The following HSP90AA1 variants were observed in gnomAD, a reference collection of about 807,000 sequenced individuals.
HSP90AA1 encodes heat shock protein 90 alpha family class A member 1.
In HSP90AA1, 18 loss-of-function variants were observed where a neutral mutation model predicts 73.3. That is an observed-to-expected ratio of 0.25 (90% CI 0.17 to 0.36). HSP90AA1 has a LOEUF of 0.36. HSP90AA1 is among the 10% of genes least tolerant of loss of function. HSP90AA1 has a pLI of 1.00. For missense variants in HSP90AA1, 704 were observed against 874.2 expected (o/e 0.81, Z 2.45); for synonymous variants, 477 against 296.9 (o/e 1.61, Z -6.24).
chr14:102,085,527 G>C, intron 3 of HSP90AA1, 96 bp from the exon 4 acceptor site: 1 of 1,341,568 alleles, frequency 7.5e-7, no homozygotes, highest in East Asian at 2.3e-5. Flanking sequence ...AGCAAGGTTT[G>C]CCGTTACTAC....
intron 5 of HSP90AA1, 29 bp from the exon 6 acceptor site, chr14:102,084,593 A>C (rs1004622877): frequency 6.2e-7 from 1 of 1,614,112 alleles, no homozygotes; most frequent in African/African-American, 1.3e-5. Context: ...ACTAAGTACC[A>C]ATGAACAATG....
intron 9 of HSP90AA1, 70 bp from the exon 10 acceptor site, chr14:102,082,514 C>G: frequency 8.3e-7 from 1 of 1,210,700 alleles, no homozygotes; most frequent in Non-Finnish European, 1.2e-6. Flanking sequence ...GAAATGAAAT[C>G]TGTAGAACCC....
chr14:102,139,378 G>C, exon 1 of HSP90AA1: 1 of 1,588,648 alleles, frequency 6.3e-7, no homozygotes, highest in South Asian at 1.1e-5. Flanking sequence ...GAGGGGTGGA[G>C]CCGTCCCCGC....
intron 1 of HSP90AA1, among the ~76,000 whole-genome samples, chr14:102,122,710 C>A (rs2049793530): frequency 6.6e-6 from 1 of 151,756 alleles, no homozygotes; most frequent in African/African-American, 2.4e-5. Flanking sequence ...CTCTGTTGCC[C>A]AGGCTGGAGC....
chr14:102,091,697 G>C (rs184234228), upstream of HSP90AA1, among the ~76,000 whole-genome samples: 54 of 151,536 alleles, frequency 3.6e-4, no homozygotes, highest in Admixed American at 6.6e-4. Flanking sequence ...CACAAACATG[G>C]TTCACTACAC....
At chr14:102,132,644 A>G (rs1044410281) in intron 1 of HSP90AA1, among the ~76,000 whole-genome samples, 4 of 152,112 alleles carry the variant, frequency 2.6e-5, no homozygotes, top group Non-Finnish European at 5.9e-5. Flanking sequence ...AAAAGGTAGC[A>G]TATATGTAAA....
At chr14:102,120,291 T>TGAG (rs1240180216) in intron 1 of HSP90AA1, among the ~76,000 whole-genome samples, 1 of 151,970 alleles carries the variant, frequency 6.6e-6, no homozygotes, top group African/African-American at 2.4e-5. Flanking sequence ...CTTGGGAGGA[T>TGAG]GAGGGTACAG....
intron 1 of HSP90AA1, among the ~76,000 whole-genome samples, chr14:102,138,194 T>C (rs2050071745): frequency 7.3e-6 from 1 of 137,290 alleles, no homozygotes. Flanking sequence ...AAATTTTGTT[T>C]TAACTTTTGC....
At chr14:102,121,026 C>CACACACACACACAT in intron 1 of HSP90AA1, among the ~76,000 whole-genome samples, 1 of 143,996 alleles carries the variant, frequency 6.9e-6, no homozygotes, top group South Asian at 2.3e-4. Flanking sequence ...CACACATACA[C>CACACACACACACAT]ACACACACAC....
upstream of HSP90AA1, among the ~76,000 whole-genome samples, chr14:102,087,758 C>T (rs953457270): frequency 1.3e-5 from 2 of 152,128 alleles, no homozygotes; most frequent in African/African-American, 4.8e-5. Flanking sequence ...TCCCCGAAAG[C>T]CATGTGCTTC....
chr14:102,122,690 CAG>C (rs2152624530), intron 1 of HSP90AA1, among the ~76,000 whole-genome samples: 1 of 151,788 alleles, frequency 6.6e-6, no homozygotes, highest in Non-Finnish European at 1.5e-5. Context: ...TTTTTTGAGA[CAG>C]AGTCTCACTC....
At chr14:102,082,862 C>T (rs909866122) in intron 9 of HSP90AA1, 172 bp downstream of exon 9, 12 of 694,216 alleles carry the variant, frequency 1.7e-5, no homozygotes, top group Non-Finnish European at 2.8e-5. Flanking sequence ...CCTTGTGATC[C>T]GCTGCCTCAG....
chr14:102,125,886 C>G (rs2049833481), intron 1 of HSP90AA1, among the ~76,000 whole-genome samples: 1 of 152,096 alleles, frequency 6.6e-6, no homozygotes, highest in Non-Finnish European at 1.5e-5. Flanking sequence ...AATCTACACA[C>G]GACATGCCAA....
At chr14:102,108,366 G>A (rs1354158486) in intron 1 of HSP90AA1, among the ~76,000 whole-genome samples, 1 of 150,788 alleles carries the variant, frequency 6.6e-6, no homozygotes, top group East Asian at 1.9e-4. Context: ...TAGGACTACA[G>A]CCTTGTGCCA....
intron 1 of HSP90AA1, 38 bp from the exon 2 acceptor site, chr14:102,086,416 C>A: frequency 6.2e-7 from 1 of 1,612,708 alleles, no homozygotes; most frequent in Non-Finnish European, 8.5e-7. Flanking sequence ...CCTTGCAGGA[C>A]GTCTACAGAG....
Position 102,080,902 on chromosome 14 carries a change from C to T in HSP90AA1, c.*810G>A, listed in dbSNP as rs2049083425. On this transcript the variant is annotated 3_prime_UTR_variant, in exon 11 of 11. Coordinates refer to ENST00000216281, the MANE Select transcript of HSP90AA1 (RefSeq NM_005348.4). ...CTACGTGTGCTCCACCCCACACCTG[C>T]TGAGTACATGCTGGGAAGACCATGT... The T allele has an allele frequency of 4.4e-6, 1 of 228,336 alleles. No homozygotes were observed. The highest frequency in any genetic ancestry group is 8.7e-6 in the Non-Finnish European group (1 of 115,062). 14.1% of individuals were successfully genotyped at this position (228,336 alleles called of 1,614,324 possible).
intron 4 of HSP90AA1, 52 bp downstream of exon 4, chr14:102,085,246 A>G: frequency 6.3e-7 from 1 of 1,575,896 alleles, no homozygotes; most frequent in Admixed American, 1.7e-5. Context: ...TAGTACAGTC[A>G]CCCCAATCAC....
chr14:102,100,875 C>T (rs185929080), intron 2 of HSP90AA1, among the ~76,000 whole-genome samples: 2 of 152,298 alleles, frequency 1.3e-5, no homozygotes, highest in African/African-American at 4.8e-5. Context: ...CTGTGAAGTT[C>T]CTCTCTAAAG....
intron 1 of HSP90AA1, among the ~76,000 whole-genome samples, chr14:102,130,265 G>A (rs185423400): frequency 1.8e-3 from 277 of 152,126 alleles, no homozygotes; most frequent in African/African-American, 6.4e-3. Context: ...CACTGCGCCC[G>A]GCCGTGTGAA....
Sources: gnomAD v4.1 joint callset for allele counts (sites outside exome capture counted in the v4.1 genomes callset) on GRCh38, gnomAD v4.1.1 for gene constraint, MANE v1.5 for transcripts, NCBI Gene and HGNC (gene_info 2026-07-23, HGNC 2026-07-21) for gene names.